The following GLUD1 variants were observed in gnomAD, a reference collection of about 807,000 sequenced individuals.
GLUD1 encodes the protein glutamate dehydrogenase 1, mitochondrial.
Under a neutral mutation model 56.0 loss-of-function variants are expected in GLUD1, and 22 were observed. That is an observed-to-expected ratio of 0.39 (90% confidence interval 0.28 to 0.56). The LOEUF is 0.56. Among genes scored for constraint, GLUD1 ranks in the 20% least tolerant of loss-of-function variants. The probability of loss-of-function intolerance (pLI) is 0.58; values close to 1 mark genes in which losing one functional copy is unlikely to be tolerated. For synonymous variants in GLUD1, 223 were observed against 269.9 expected, an observed-to-expected ratio of 0.83 and a Z score of 1.70; for missense variants, 451 against 732.0, an observed-to-expected ratio of 0.62 and a Z score of 4.43.
intron 1 of GLUD1, among the ~76,000 whole-genome samples, chr10:87,086,512 T>C (rs1044060186): frequency 2.6e-5 from 4 of 152,168 alleles, no homozygotes; most frequent in African/African-American, 4.8e-5. Flanking sequence ...TTCATCATTA[T>C]TCATCCAACA....
rs746768107 is a variant in GLUD1 at position 87,063,071 on chromosome 10, TTG to T, written c.742-238_742-237del. On this transcript the variant is annotated intron_variant, in intron 5 of 12. Coordinates refer to ENST00000277865, the MANE Select transcript of GLUD1 (RefSeq NM_005271.5). ...CTATATTTTCTGTTTTTTTTTTTGTTTGTTTGTTTGTTTGTTTTTGAGACGGA... is the reference window on the plus strand; with the variant it reads ...CTATATTTTCTGTTTTTTTTTTTGTTTTTGTTTGTTTGTTTTTGAGACGGA... Among the ~76,000 whole-genome samples, 488 of 138,088 alleles carry T rather than the reference TTG, an allele frequency of 3.5e-3. 5 individuals carry two copies. Among genetic ancestry groups the T allele is most frequent in the Non-Finnish European group, 4.3e-3 (291 of 67,314 alleles). 90.6% of individuals were successfully genotyped at this position (138,088 alleles called of 152,430 possible). A position where few individuals can be genotyped will look rare whatever the true frequency, so the allele number is the denominator to read the frequency against.
chr10:87,088,385 T>G (rs1841436096), intron 1 of GLUD1, among the ~76,000 whole-genome samples: 1 of 152,144 alleles, frequency 6.6e-6, no homozygotes, highest in African/African-American at 2.4e-5. Flanking sequence ...AGTTCAGAGA[T>G]CTTGCCTGCA....
chr10:87,078,870 G>T (rs976208214), intron 1 of GLUD1, among the ~76,000 whole-genome samples: 2 of 152,166 alleles, frequency 1.3e-5, no homozygotes, highest in Non-Finnish European at 2.9e-5. Context: ...GCCCAACATG[G>T]TAGTTCATGC....
At chr10:87,080,985 C>G (rs1316070498) in intron 1 of GLUD1, among the ~76,000 whole-genome samples, 6 of 140,182 alleles carry the variant, frequency 4.3e-5, no homozygotes, top group Non-Finnish European at 9.4e-5. Flanking sequence ...GGTCAGCCCC[C>G]CGCCCGGCCA....
In GLUD1 at chr10:87,050,250, C is replaced by G. The variant is rs768450394; in HGVS notation, c.*1501G>C. ...ATACAAAATAATTCGAGAATAAAGA[C>G]TATGCTTTCAGGGATCATTTCTATA... On this transcript the variant is annotated 3_prime_UTR_variant, in exon 13 of 13. Transcript: ENST00000277865. Among the ~76,000 whole-genome samples, 104 of 151,360 alleles carry G rather than the reference C, an allele frequency of 6.9e-4. 1 individual carries two copies. The highest frequency in any genetic ancestry group is 1.2e-3 in the Non-Finnish European group (82 of 67,928).
At chr10:87,081,738 G>A (rs988534437) in intron 1 of GLUD1, among the ~76,000 whole-genome samples, 17 of 151,880 alleles carry the variant, frequency 1.1e-4, no homozygotes, top group Non-Finnish European at 2.5e-4. Flanking sequence ...TTAAACAGAT[G>A]CTTGAAGGCA....
intron 4 of GLUD1, among the ~76,000 whole-genome samples, chr10:87,073,389 AG>A (rs1846293820): frequency 6.6e-6 from 1 of 152,076 alleles, no homozygotes. Flanking sequence ...TCTGGGCTCA[AG>A]TGATCCTCCC....
chr10:87,074,487 CA>C (rs375835858), intron 4 of GLUD1, 63 bp downstream of exon 4: 126,745 of 636,756 alleles, frequency 0.2, 13 homozygotes, highest in South Asian at 0.26. Flanking sequence ...GACTCCGTCT[CA>C]AAAAAAAAAA....
At position 87,094,786 on chromosome 10, in the gene GLUD1, G is replaced by C. The variant is rs544795948; in HGVS notation, c.-17C>G. 2.6e-6 allele frequency: 4 copies of C among 1,526,892 alleles called. No homozygotes were observed. The South Asian group carries it at 4.7e-5, about 18-fold the overall frequency. The allele number at this position is 1,526,892 out of a possible 1,614,324, so 94.6% of individuals were successfully genotyped here. A position where few individuals can be genotyped will look rare whatever the true frequency, so the allele number is the denominator to read the frequency against. On this transcript the variant is annotated 5_prime_UTR_variant, in exon 1 of 13. Transcript: ENST00000277865. The surrounding 1 kb of genome is among the most constrained non-coding windows in gnomAD (Gnocchi z 6.6). ...GCGGTACATGGCCACAAGCGGAGGG[G>C]AGGTGCGTGATGGTCGCGAAACAGG...
At chr10:87,057,651 G>A (rs756854673) in intron 11 of GLUD1, 40 bp downstream of exon 11, 1 of 974,482 alleles carries the variant, frequency 1.0e-6, no homozygotes, top group East Asian at 2.4e-5. Flanking sequence ...AAAGAGCAGG[G>A]AGCATGTGTG....
Position 87,094,318 on chromosome 10 carries a change from C to G in GLUD1, c.445+7G>C. 2 of 1,603,510 alleles carry G rather than the reference C, an allele frequency of 1.2e-6. No homozygotes were observed. Among genetic ancestry groups the G allele is most frequent in the South Asian group, 1.1e-5 (1 of 90,086 alleles). On this transcript the variant is annotated splice_region_variant and intron_variant, in intron 1 of 12. Transcript: ENST00000277865. This position sits in a 1 kb window ranked among gnomAD's most constrained non-coding sequence, Gnocchi z 6.6. ...GGAGGGCGGGACGGGGCCCGGCCGA[C>G]GCTCACCTCCCTTGCAGGGCGTGCG...
intron 4 of GLUD1, among the ~76,000 whole-genome samples, chr10:87,072,579 T>A (rs540103133): frequency 8.5e-5 from 13 of 152,338 alleles, no homozygotes; most frequent in African/African-American, 2.9e-4. Context: ...TTTAACTGCA[T>A]CCTGGGTCAA....
chr10:87,080,358 AC>A (rs1234035471), intron 1 of GLUD1, among the ~76,000 whole-genome samples: 1 of 151,156 alleles, frequency 6.6e-6, no homozygotes, highest in African/African-American at 2.4e-5. Context: ...CCCAGCCGCC[AC>A]CCCGTCTAGG....
chr10:87,067,952 A>G, intron 5 of GLUD1, 111 bp downstream of exon 5: 2 of 709,724 alleles, frequency 2.8e-6, no homozygotes, highest in Non-Finnish European at 5.2e-6. Flanking sequence ...CAAGATTATG[A>G]TTGAATGAGA....
chr10:87,092,746 G>T (rs1841542353), intron 1 of GLUD1: 2 of 194,800 alleles, frequency 1.0e-5, no homozygotes, highest in Non-Finnish European at 1.9e-5. Context: ...TAAAGGACTG[G>T]CAAATGCTGC....
At chr10:87,060,428 GTTTT>G in intron 8 of GLUD1, 187 bp from the exon 9 acceptor site, 2 of 550,246 alleles carry the variant, frequency 3.6e-6, no homozygotes, top group East Asian at 3.3e-5. Context: ...ATTTATCTAG[GTTTT>G]TTTTTTGTTT....
intron 1 of GLUD1, among the ~76,000 whole-genome samples, chr10:87,077,682 T>C: frequency 6.6e-6 from 1 of 151,978 alleles, no homozygotes; most frequent in South Asian, 2.1e-4. Flanking sequence ...GGAGTGCTAA[T>C]CCACCTTTCT....
At chr10:87,053,245 G>T in intron 12 of GLUD1, 97 bp downstream of exon 12, 1 of 821,746 alleles carries the variant, frequency 1.2e-6, no homozygotes. Context: ...ACAGATTGAT[G>T]TTTTCTATCA....
At position 87,060,930 on chromosome 10, in the gene GLUD1, C is replaced by T. The variant is rs1845913792; in HGVS notation, c.1044G>A (p.Leu348=). The T allele has an allele frequency of 6.8e-6, 11 of 1,614,064 alleles. No individual in the cohort carries two copies. Among genetic ancestry groups the T allele is most frequent in the African/African-American group, 1.3e-5 (1 of 75,014 alleles). The change falls in exon 7 of 13, where the codon CTG becomes CTA. Residue 348 remains leucine (L), a synonymous_variant. Coordinates refer to ENST00000277865, the MANE Select transcript of GLUD1 (RefSeq NM_005271.5). ...GTATTAATACCAATTTGAAGTCTTC[C>T]AGTTCCTTTGGGTCAATACCATCTG... ...WNPDGIDPKE[L]EDFKLQHGSI...
Sources: gnomAD v4.1 joint callset for allele counts (sites outside exome capture counted in the v4.1 genomes callset) on GRCh38, gnomAD v4.1.1 for gene constraint, Gnocchi (gnomAD v3.1) non-coding constraint, MANE v1.5 for transcripts, NCBI Gene and HGNC (gene_info 2026-07-23, HGNC 2026-07-21) for gene names.